CDC42BPA: variants seen among roughly 807,000 people sequenced by gnomAD.
CDC42BPA encodes the protein serine/threonine-protein kinase MRCK alpha.
Under a neutral mutation model 223.5 loss-of-function variants are expected in CDC42BPA, and 80 were observed. That is an observed-to-expected ratio of 0.36 (90% CI 0.30 to 0.43). The LOEUF (loss-of-function observed/expected upper bound fraction) is 0.43, where lower values mean the gene tolerates loss of function less well. Among genes scored for constraint, CDC42BPA ranks in the 20% least tolerant of loss-of-function variants. The pLI is 1.00. For missense variants in CDC42BPA, 1,743 were observed against 2,099.9 expected (o/e 0.83, Z 3.32); for synonymous variants, 694 against 718.6 (o/e 0.97, Z 0.55).
intron 21 of CDC42BPA, among the ~76,000 whole-genome samples, chr1:227,054,339 C>T (rs1674141378): frequency 6.6e-6 from 1 of 152,184 alleles, no homozygotes; most frequent in South Asian, 2.1e-4. Context: ...AGCAGGTCTG[C>T]TCTTTGAGCT....
chr1:227,147,422 G>A lies in CDC42BPA; in HGVS notation c.831C>T (p.Tyr277=), dbSNP rs139987030. The A allele has an allele frequency of 2.2e-4, 347 of 1,613,006 alleles. No homozygotes were observed. Among genetic ancestry groups the A allele is most frequent in the Non-Finnish European group, 2.7e-4 (318 of 1,179,592 alleles). The change falls in exon 7 of 37, where the codon TAC becomes TAT. Residue 277 remains tyrosine, a synonymous_variant. Coordinates refer to ENST00000366766, the MANE Select transcript of CDC42BPA (RefSeq NM_001394014.1). Reference sequence around the variant, plus strand: ...ATTCTGCATAAAATGGTGTTTCTCCGTAAAGCATTTCATACATACAGACCC... The same window carrying A: ...ATTCTGCATAAAATGGTGTTTCTCCATAAAGCATTTCATACATACAGACCC... ...SLGVCMYEML[Y]GETPFYAESL...
chr1:227,081,483 G>A (rs1362800423), intron 16 of CDC42BPA, among the ~76,000 whole-genome samples: 1 of 142,868 alleles, frequency 7.0e-6, no homozygotes, highest in Non-Finnish European at 1.5e-5. Flanking sequence ...ACAGAGTTTT[G>A]CACTTGTTGC....
Position 227,029,181 on chromosome 1 carries a change from G to C in CDC42BPA, c.3908C>G (p.Ala1303Gly). 1 of 1,601,868 alleles carries C rather than the reference G, an allele frequency of 6.2e-7. No homozygotes were observed. The highest frequency in any genetic ancestry group is 8.5e-7 in the Non-Finnish European group (1 of 1,179,850). The change falls in exon 30 of 37, where the codon GCT becomes GGT. Residue 1303 changes from alanine (A) to glycine (G), a missense_variant. Physicochemically the swap from Ala to Gly is moderately conservative, Grantham distance 60 (BLOSUM62 0). Transcript: ENST00000366766. Reference protein sequence around the residue: ...IELIPNDQLVAVISGRNRHVR... With the variant: ...IELIPNDQLVGVISGRNRHVR... ...ATGACGATTTCGTCCTGAGATCACA[G>C]CAACAAGCTGATCATTTGGAATGAG... is the stretch of plus-strand genomic sequence containing the variant.
At chr1:227,107,126 C>T (rs1047019447) in intron 14 of CDC42BPA, among the ~76,000 whole-genome samples, 4 of 152,172 alleles carry the variant, frequency 2.6e-5, no homozygotes. Context: ...TGAAGCTGTA[C>T]ATAACTTTAG....
At chr1:227,265,717 T>C (rs1315010534) in intron 1 of CDC42BPA, among the ~76,000 whole-genome samples, 1 of 152,136 alleles carries the variant, frequency 6.6e-6, no homozygotes, top group African/African-American at 2.4e-5. Flanking sequence ...TATTATCCTC[T>C]AGACCCTAGT....
chr1:227,061,015 C>T (rs1221701783), intron 21 of CDC42BPA, among the ~76,000 whole-genome samples: 2 of 152,064 alleles, frequency 1.3e-5, no homozygotes, highest in African/African-American at 4.8e-5. Context: ...ACCACCGCGC[C>T]TGGCCAGAAA....
chr1:227,146,409 T>C (rs760741883), intron 7 of CDC42BPA, among the ~76,000 whole-genome samples: 7 of 152,146 alleles, frequency 4.6e-5, no homozygotes, highest in Non-Finnish European at 1.0e-4. Flanking sequence ...CAACTCTTTA[T>C]AACTATATGA....
chr1:227,264,949 T>G, intron 1 of CDC42BPA: 2 of 1,072,376 alleles, frequency 1.9e-6, no homozygotes, highest in Non-Finnish European at 2.9e-6. Context: ...GGATTATCTC[T>G]TCCTCTTCTT....
Position 227,129,108 on chromosome 1 carries a change from C to T in CDC42BPA, c.1513+1G>A. ...ATTAACAGTGAATCACAGATATTTA[C>T]CTGTTACTTGTTTTCTTAGTTTTTC... On this transcript the variant is annotated splice_donor_variant, in intron 11 of 36. Coordinates refer to ENST00000366766, the MANE Select transcript of CDC42BPA (RefSeq NM_001394014.1). LOFTEE classifies it high-confidence loss of function. 2.1e-6 allele frequency: 3 copies of T among 1,400,506 alleles called. No individual in the cohort carries two copies. Among genetic ancestry groups the T allele is most frequent in the Non-Finnish European group, 3.0e-6 (3 of 1,001,978 alleles). The allele number at this position is 1,400,506 out of a possible 1,614,324, so 86.8% of individuals were successfully genotyped here.
At chr1:227,016,306 TTAATAAGAATATAGAG>T in intron 33 of CDC42BPA, 109 bp from the exon 34 acceptor site, 1 of 700,366 alleles carries the variant, frequency 1.4e-6, no homozygotes, top group South Asian at 1.6e-5. Flanking sequence ...TTAAATCACA[TTAATAAGAATATAGAG>T]TAACAGAATA....
intron 1 of CDC42BPA, among the ~76,000 whole-genome samples, chr1:227,275,530 G>A (rs1686788517): frequency 1.1e-5 from 1 of 90,186 alleles, no homozygotes; most frequent in Non-Finnish European, 2.4e-5. Context: ...TAAAAGGAGT[G>A]CTGGAAAAAA....
In CDC42BPA at chr1:227,028,993, A is replaced by T; in HGVS notation, c.4096T>A (p.Phe1366Ile). ...TTTCTGTGACGGGTCTTGCTCTGAA[A>T]TAGTTCATAACAGAGGACCTGCCTT... ...MKRQVLCYEL[F>I]QSKTRHRKFK... Residue 1366 changes from phenylalanine to isoleucine, a missense_variant, in exon 30 of 37, where the codon TTT becomes ATT. Coordinates refer to ENST00000366766, the MANE Select transcript of CDC42BPA (RefSeq NM_001394014.1). 3.7e-6 allele frequency: 6 copies of T among 1,614,104 alleles called. No individual in the cohort carries two copies. The highest frequency in any genetic ancestry group is 5.1e-6 in the Non-Finnish European group (6 of 1,180,032).
chr1:227,182,339 C>G (rs1668084497), intron 5 of CDC42BPA, among the ~76,000 whole-genome samples: 1 of 152,166 alleles, frequency 6.6e-6, no homozygotes. Context: ...AAGAGCCTAA[C>G]CAAATTTGGC....
chr1:227,276,957 T>C (rs1558936681), intron 1 of CDC42BPA, among the ~76,000 whole-genome samples: 1 of 151,964 alleles, frequency 6.6e-6, no homozygotes, highest in Non-Finnish European at 1.5e-5. Context: ...CAGGGTCCTC[T>C]GCCTAGGAAA....
chr1:227,142,105 T>C (rs900757907), intron 9 of CDC42BPA, among the ~76,000 whole-genome samples: 1 of 152,210 alleles, frequency 6.6e-6, no homozygotes, highest in Non-Finnish European at 1.5e-5. Flanking sequence ...CCAGTAAGAA[T>C]AGTCAGCTAT....
intron 34 of CDC42BPA, among the ~76,000 whole-genome samples, chr1:227,007,161 T>C (rs746604077): frequency 6.6e-6 from 1 of 152,234 alleles, no homozygotes; most frequent in Non-Finnish European, 1.5e-5. Flanking sequence ...TAAAGCCAAA[T>C]AGTTTAATTC....
intron 35 of CDC42BPA, chr1:227,004,078 CG>C (rs1663505178): frequency 6.8e-6 from 1 of 146,440 alleles, no homozygotes; most frequent in Non-Finnish European, 1.5e-5. Flanking sequence ...TTTGCTACCT[CG>C]GGACCTTTGG....
intron 1 of CDC42BPA, among the ~76,000 whole-genome samples, chr1:227,311,219 G>A (rs926087663): frequency 1.3e-5 from 2 of 152,014 alleles, no homozygotes; most frequent in African/African-American, 4.8e-5. Flanking sequence ...TAATTAGCTG[G>A]GCATGGTGGC....
At chr1:227,200,445 C>CAACA (rs113447855) in intron 3 of CDC42BPA, among the ~76,000 whole-genome samples, 23 of 109,156 alleles carry the variant, frequency 2.1e-4, no homozygotes, top group Admixed American at 5.3e-4. Context: ...AACAAACAAA[C>CAACA]AAAAAAAAAA....
Sources: allele counts gnomAD v4.1 joint callset (sites outside exome capture counted in the v4.1 genomes callset), GRCh38; gene constraint gnomAD v4.1.1; transcripts MANE v1.5; gene names NCBI Gene and HGNC (gene_info 2026-07-23, HGNC 2026-07-21).